HMBOX1: variants seen among roughly 807,000 people sequenced by gnomAD.
HMBOX1 encodes homeobox containing 1.
Under a neutral mutation model 54.5 loss-of-function variants are expected in HMBOX1, and 14 were observed. That is an observed-to-expected ratio of 0.26 (90% CI 0.17 to 0.40). The LOEUF is 0.40. HMBOX1 is among the 10% of genes least tolerant of loss of function. The probability of loss-of-function intolerance (pLI) is 1.00; values close to 1 mark genes in which losing one functional copy is unlikely to be tolerated. For synonymous variants in HMBOX1, 160 were observed against 181.0 expected, an observed-to-expected ratio of 0.88 and a Z score of 0.93; for missense variants, 332 against 514.4, an observed-to-expected ratio of 0.65 and a Z score of 3.43.
chr8:28,965,979 T>G (rs998764370), intron 2 of HMBOX1, among the ~76,000 whole-genome samples: 2 of 152,092 alleles, frequency 1.3e-5, no homozygotes, highest in Non-Finnish European at 2.9e-5. Flanking sequence ...TGCCTAGTCA[T>G]TCTAGATAAT....
chr8:28,890,425 A>T lies in HMBOX1; in HGVS notation c.-311A>T, dbSNP rs555062452. The stretch of plus-strand genomic sequence containing the variant: ...TATCAATATGGCGGTTGTCAGCCAG[A>T]CAAAGACAGTCAGTCTGATGTGATT... On this transcript the variant is annotated 5_prime_UTR_variant, in exon 1 of 10. Coordinates refer to ENST00000287701, the MANE Select transcript of HMBOX1 (RefSeq NM_001135726.3). The T allele has an allele frequency of 6.3e-6, 1 of 159,008 alleles. No homozygotes were observed. The highest frequency in any genetic ancestry group is 1.4e-5 in the Non-Finnish European group (1 of 71,066). The allele number at this position is 159,008 out of a possible 1,614,324, so 9.8% of individuals were successfully genotyped here.
chr8:28,899,056 A>T (rs919961027), intron 1 of HMBOX1, among the ~76,000 whole-genome samples: 1 of 152,254 alleles, frequency 6.6e-6, no homozygotes, highest in Non-Finnish European at 1.5e-5. Context: ...TGCAAGGATC[A>T]GTTTGCTGGA....
intron 1 of HMBOX1, among the ~76,000 whole-genome samples, chr8:28,962,571 C>T (rs1361344735): frequency 2.0e-5 from 3 of 152,114 alleles, no homozygotes; most frequent in Non-Finnish European, 2.9e-5. Flanking sequence ...TGTTAAAGGC[C>T]AGCAACACAA....
Position 28,970,825 on chromosome 8 carries a change from A to G in HMBOX1, c.500+306A>G, listed in dbSNP as rs760332365. Among the ~76,000 whole-genome samples, 3 of 152,142 alleles carry G rather than the reference A, an allele frequency of 2.0e-5. No homozygotes were observed. Among genetic ancestry groups the G allele is most frequent in the Non-Finnish European group, 4.4e-5 (3 of 68,028 alleles). ...AATAGCTAATTTCTGACTAACAGAC[A>G]CATTCTAATCCTTAAAAATCTGTTG... is the stretch of plus-strand genomic sequence containing the variant. On this transcript the variant is annotated intron_variant, in intron 3 of 9. Transcript: ENST00000287701. This position sits in a 1 kb window ranked among gnomAD's most constrained non-coding sequence, Gnocchi z 4.3.
At chr8:28,952,158 T>TAA (rs3053470) in intron 1 of HMBOX1, among the ~76,000 whole-genome samples, 89 of 127,780 alleles carry the variant, frequency 7.0e-4, no homozygotes, top group Admixed American at 1.4e-3. Context: ...GACCCTATCT[T>TAA]AAAAAAAAAA....
chr8:28,981,350 G>C (rs760209373), intron 4 of HMBOX1, among the ~76,000 whole-genome samples: 1 of 152,172 alleles, frequency 6.6e-6, no homozygotes, highest in Non-Finnish European at 1.5e-5. Context: ...TAGTTTAATT[G>C]TTGTAGTATT....
chr8:28,965,676 A>G (rs1826311199), intron 2 of HMBOX1, among the ~76,000 whole-genome samples: 1 of 152,228 alleles, frequency 6.6e-6, no homozygotes, highest in South Asian at 2.1e-4. Flanking sequence ...CCTGCAAGGT[A>G]TAAAAGCTTT....
At chr8:28,907,672 T>C (rs1262083567) in intron 1 of HMBOX1, among the ~76,000 whole-genome samples, 1 of 152,198 alleles carries the variant, frequency 6.6e-6, no homozygotes, top group African/African-American at 2.4e-5. Flanking sequence ...TCTGTTCTGC[T>C]GTTGTCCTGA....
rs189532928 is a variant in HMBOX1 at position 29,041,812 on chromosome 8, G to A, written c.852-3549G>A. On this transcript the variant is annotated intron_variant, in intron 6 of 9. Coordinates refer to ENST00000287701, the MANE Select transcript of HMBOX1 (RefSeq NM_001135726.3). ...GGGAGTAGCAGATAAAGATGTAGAG[G>A]TTGTTTGCGGGGGGACTTTGAACAC... Among the ~76,000 whole-genome samples the A allele has an allele frequency of 1.8e-3, 276 of 152,056 alleles. 5 individuals carry two copies. The highest frequency in any genetic ancestry group is 1.6e-3 in the Admixed American group (25 of 15,274).
intron 3 of HMBOX1, among the ~76,000 whole-genome samples, chr8:28,971,725 G>A (rs904155420): frequency 6.6e-6 from 1 of 152,044 alleles, no homozygotes; most frequent in African/African-American, 2.4e-5. Flanking sequence ...ACAGGTTTTG[G>A]GAGACTTTGA....
At chr8:29,050,179 TTTTG>T (rs1424089217) in intron 9 of HMBOX1, 15 of 960,820 alleles carry the variant, frequency 1.6e-5, no homozygotes, top group South Asian at 4.8e-5. Flanking sequence ...ACATTCCATG[TTTTG>T]TTTGTTTTTT....
chr8:28,938,861 C>A (rs1386846744), intron 1 of HMBOX1, among the ~76,000 whole-genome samples: 2 of 152,136 alleles, frequency 1.3e-5, no homozygotes, highest in African/African-American at 4.8e-5. Flanking sequence ...TTCATAAATT[C>A]TTCCTTTCTA....
At chr8:28,946,545 G>A (rs909371817) in intron 1 of HMBOX1, among the ~76,000 whole-genome samples, 7 of 151,736 alleles carry the variant, frequency 4.6e-5, no homozygotes, top group African/African-American at 1.7e-4. Context: ...ACTCCAGCCT[G>A]GGGGACAGAG....
At chr8:28,999,565 T>C (rs192353964) in intron 4 of HMBOX1, among the ~76,000 whole-genome samples, 1 of 152,272 alleles carries the variant, frequency 6.6e-6, no homozygotes, top group Non-Finnish European at 1.5e-5. Context: ...TTTGTTCCAT[T>C]TTCTTCATTC....
At chr8:29,032,430 CCAGT>C (rs1407537823) in intron 6 of HMBOX1, among the ~76,000 whole-genome samples, 1 of 151,744 alleles carries the variant, frequency 6.6e-6, no homozygotes, top group Non-Finnish European at 1.5e-5. Flanking sequence ...TCTTGAAATT[CCAGT>C]CATTTTCAAT....
chr8:29,039,323 C>T (rs1476666882), intron 6 of HMBOX1, among the ~76,000 whole-genome samples: 1 of 152,118 alleles, frequency 6.6e-6, no homozygotes, highest in African/African-American at 2.4e-5. Flanking sequence ...AGATCTATTT[C>T]CCGACTTCGT....
intron 4 of HMBOX1, among the ~76,000 whole-genome samples, chr8:28,999,849 T>G (rs1282632927): frequency 6.6e-6 from 1 of 152,188 alleles, no homozygotes; most frequent in Non-Finnish European, 1.5e-5. Flanking sequence ...AAATGGTTAA[T>G]TTAAATCTTT....
At chr8:29,008,913 G>T (rs1181495836) in intron 4 of HMBOX1, among the ~76,000 whole-genome samples, 159 bp from the exon 5 acceptor site, 1 of 152,176 alleles carries the variant, frequency 6.6e-6, no homozygotes, top group Non-Finnish European at 1.5e-5. Context: ...AGTGCAGTCA[G>T]TCTTTACAAA....
At chr8:28,989,057 G>T (rs1830558581) in intron 4 of HMBOX1, among the ~76,000 whole-genome samples, 2 of 152,074 alleles carry the variant, frequency 1.3e-5, no homozygotes, top group African/African-American at 4.8e-5. Context: ...CGAATCACAG[G>T]AGGTCGGCAG....
Sources: allele counts gnomAD v4.1 joint callset (sites outside exome capture counted in the v4.1 genomes callset), GRCh38; gene constraint gnomAD v4.1.1; non-coding constraint Gnocchi (gnomAD v3.1); transcripts MANE v1.5; gene names NCBI Gene and HGNC (gene_info 2026-07-23, HGNC 2026-07-21).